Variants in FAM20C observed in about 807,000 individuals in gnomAD.
The protein encoded by FAM20C is FAM20C golgi associated secretory pathway kinase.
Under a neutral mutation model 51.5 loss-of-function variants are expected in FAM20C, and 40 were observed. That is an observed-to-expected ratio of 0.78 (90% confidence interval 0.60 to 1.01). The LOEUF (loss-of-function observed/expected upper bound fraction) is 1.01, where lower values mean the gene tolerates loss of function less well. Ranked by LOEUF, FAM20C falls within the 50% of genes least tolerant of loss-of-function variation. The pLI is 0.00. For missense variants in FAM20C, 861 were observed against 844.7 expected, an observed-to-expected ratio of 1.02 and a Z score of -0.24; for synonymous variants, 406 against 380.6, an observed-to-expected ratio of 1.07 and a Z score of -0.78.
At chr7:248,803 G>A (rs959876143) in intron 5 of FAM20C, among the ~76,000 whole-genome samples, 2 of 147,826 alleles carry the variant, frequency 1.4e-5, no homozygotes, top group Non-Finnish European at 3.0e-5. Flanking sequence ...AGGTAGCCTG[G>A]CACAGGGGCC....
chr7:201,186 CT>C (rs1267178777), intron 2 of FAM20C, among the ~76,000 whole-genome samples: 1 of 152,196 alleles, frequency 6.6e-6, no homozygotes, highest in Non-Finnish European at 1.5e-5. Context: ...ATAACTGACC[CT>C]TGAGGCCAGA....
At chr7:256,860 G>A in intron 7 of FAM20C, 97 bp downstream of exon 7, 1 of 1,429,106 alleles carries the variant, frequency 7.0e-7, no homozygotes, top group Non-Finnish European at 9.5e-7. Context: ...GCACGGCCCG[G>A]CTGCGGTCCT....
intron 3 of FAM20C, among the ~76,000 whole-genome samples, chr7:223,749 G>C (rs902395797): frequency 5.9e-5 from 9 of 152,240 alleles, no homozygotes; most frequent in Non-Finnish European, 8.8e-5. Flanking sequence ...CCCAGGTAGA[G>C]GACGTTCACG....
intron 2 of FAM20C, among the ~76,000 whole-genome samples, chr7:203,291 C>T (rs1211773171): frequency 6.6e-6 from 1 of 152,274 alleles, no homozygotes; most frequent in Non-Finnish European, 1.5e-5. Flanking sequence ...CCTGTGCCCA[C>T]ACGCCTGGGC....
rs1227257731 is a variant in FAM20C at position 246,429 on chromosome 7, A to G, written c.878A>G (p.Gln293Arg). 1 of 1,419,834 alleles carries G rather than the reference A, an allele frequency of 7.0e-7. No individual in the cohort carries two copies. The highest frequency in any genetic ancestry group is 9.2e-7 in the Non-Finnish European group (1 of 1,086,832). 88.0% of individuals were successfully genotyped at this position (1,419,834 alleles called of 1,614,324 possible). The change falls in exon 4 of 10, where the codon CAG becomes CGG. Residue 293 changes from glutamine to arginine, a missense_variant. By Grantham distance (43) the Gln-to-Arg change is conservative (BLOSUM62 1). This residue lies in a region of FAM20C where 561 missense variants were observed against 499.8 expected (regional missense o/e 1.12). Coordinates refer to ENST00000313766, the MANE Select transcript of FAM20C (RefSeq NM_020223.4). ...LFKPMKQTRE[Q>R]ETPPDFFYFS... ...TGTTTTCTCAGACAAACGAGGGAGCAGGAGACACCCCCTGACTTTTTTTAT... is the reference window on the plus strand; with the variant it reads ...TGTTTTCTCAGACAAACGAGGGAGCGGGAGACACCCCCTGACTTTTTTTAT...
chr7:212,585 C>T (rs62430288), intron 3 of FAM20C, among the ~76,000 whole-genome samples: 11,737 of 151,346 alleles, frequency 0.078, 629 homozygotes, highest in Non-Finnish European at 0.12. Context: ...GCTAGATGTG[C>T]GGTGAGAGGG....
In FAM20C at chr7:195,400, G is replaced by A. The variant is rs1055413101; in HGVS notation, c.606-154G>A. On this transcript the variant is annotated intron_variant, in intron 1 of 9. Transcript: ENST00000313766. ...AGCGGCCACAGAAGAAAGCGCAGAC[G>A]TTGCAGGGCCCTCTTTAAGCAGAGG... 3.7e-5 allele frequency: 22 copies of A among 587,450 alleles called. No individual in the cohort carries two copies. In the Middle Eastern group the frequency reaches 2.9e-3, roughly 76 times the overall value. The allele number at this position is 587,450 out of a possible 1,614,324, so 36.4% of individuals were successfully genotyped here. A position where few individuals can be genotyped will look rare whatever the true frequency, so the allele number is the denominator to read the frequency against.
chr7:223,166 C>T (rs1371130065), intron 3 of FAM20C, among the ~76,000 whole-genome samples: 1 of 152,118 alleles, frequency 6.6e-6, no homozygotes, highest in Non-Finnish European at 1.5e-5. Flanking sequence ...GGGCTGGTCC[C>T]CAGTTCTCAG....
chr7:218,801 C>T (rs575519629), intron 3 of FAM20C, among the ~76,000 whole-genome samples: 20 of 151,888 alleles, frequency 1.3e-4, no homozygotes, highest in African/African-American at 4.6e-4. Flanking sequence ...GGAGCTGACA[C>T]GGGCCCAGGA....
At chr7:228,442 A>T (rs1258487214) in intron 3 of FAM20C, 1 of 455,986 alleles carries the variant, frequency 2.2e-6, no homozygotes. Flanking sequence ...CTGGCCACCC[A>T]GGGGGCTGGT....
chr7:230,377 G>GT (rs199801787), intron 3 of FAM20C, among the ~76,000 whole-genome samples: 1,891 of 106,170 alleles, frequency 0.018, 139 homozygotes, highest in African/African-American at 0.059. Flanking sequence ...CGGGGTGGGG[G>GT]GGGGGGGGAA....
intron 4 of FAM20C, 25 bp from the exon 5 acceptor site, chr7:248,290 C>A (rs1257106788): frequency 1.3e-6 from 2 of 1,511,126 alleles, no homozygotes; most frequent in East Asian, 2.5e-5. Flanking sequence ...AGAGCACAGA[C>A]CATTCCCCGC....
At position 193,512 on chromosome 7, in the gene FAM20C, C is replaced by T; in HGVS notation, c.313C>T (p.His105Tyr). The change falls in exon 1 of 10, where the codon CAC (histidine) becomes TAC (tyrosine). Residue 105 changes from histidine to tyrosine, a missense_variant. Physicochemically the swap from His to Tyr is moderately conservative, Grantham distance 83 (BLOSUM62 2). This residue lies in a region of FAM20C where 561 missense variants were observed against 499.8 expected (regional missense o/e 1.12). Transcript: ENST00000313766. ...SSDPSSNLSS[H>Y]SLEKLPPAAE... Reference sequence around the variant, plus strand: ...CGACCCCTCCTCCAACCTCTCGTCCCACTCGCTGGAGAAACTGCCGCCCGC... The same window carrying T: ...CGACCCCTCCTCCAACCTCTCGTCCTACTCGCTGGAGAAACTGCCGCCCGC... 1 of 1,503,374 alleles carries T rather than the reference C, an allele frequency of 6.7e-7. No individual in the cohort carries two copies. The highest frequency in any genetic ancestry group is 2.1e-5 in the Admixed American group (1 of 46,714). The allele number at this position is 1,503,374 out of a possible 1,614,324, so 93.1% of individuals were successfully genotyped here.
At chr7:256,957 G>A (rs1001180164) in intron 7 of FAM20C, 48 bp from the exon 8 acceptor site, 18 of 1,530,902 alleles carry the variant, frequency 1.2e-5, no homozygotes, top group Admixed American at 5.9e-5. Flanking sequence ...TCTGAGCTAC[G>A]TGGCCCGGCT....
chr7:210,365 T>TC (rs1412971237), intron 3 of FAM20C, among the ~76,000 whole-genome samples: 3 of 151,910 alleles, frequency 2.0e-5, no homozygotes, highest in African/African-American at 7.3e-5. Context: ...GACCTGAGGG[T>TC]CTCCTGGGTT....
chr7:201,784 G>A (rs538276488), intron 2 of FAM20C, among the ~76,000 whole-genome samples: 26 of 152,332 alleles, frequency 1.7e-4, no homozygotes, highest in African/African-American at 6.0e-4. Flanking sequence ...TCTGTCTCGT[G>A]CTGTGACCCG....
At chr7:235,897 G>A (rs1054955398) in intron 3 of FAM20C, among the ~76,000 whole-genome samples, 34 of 152,330 alleles carry the variant, frequency 2.2e-4, no homozygotes, top group Middle Eastern at 3.4e-3. Flanking sequence ...ACATTTGGGC[G>A]ACTGCCCTGT....
chr7:212,352 A>G (rs2115074748), intron 3 of FAM20C, among the ~76,000 whole-genome samples: 1 of 152,276 alleles, frequency 6.6e-6, no homozygotes, highest in South Asian at 2.1e-4. Flanking sequence ...GATCCCAGCT[A>G]CTCAGGAGGC....
At position 258,068 on chromosome 7, in the gene FAM20C, C is replaced by A. The variant is rs373609278; in HGVS notation, c.1446-578C>A. On this transcript the variant is annotated intron_variant, in intron 8 of 9. Transcript: ENST00000313766. ...GGAGATAGGCAGTGTGGACCCACTG[C>A]CTGGGGTGCTGGAGATGGGGCTGGG... 2.9e-4 allele frequency among the ~76,000 whole-genome samples: 29 copies of A among 100,274 alleles called. 1 individual carries two copies. The highest frequency in any genetic ancestry group is 1.3e-3 in the African/African-American group (26 of 20,474). 65.8% of individuals were successfully genotyped at this position (100,274 alleles called of 152,430 possible).
Sources: allele counts gnomAD v4.1 joint callset (sites outside exome capture counted in the v4.1 genomes callset), GRCh38; gene constraint gnomAD v4.1.1; regional missense constraint gnomAD v4.1.1; transcripts MANE v1.5; gene names NCBI Gene and HGNC (gene_info 2026-07-23, HGNC 2026-07-21).